CENPK: variants seen among roughly 807,000 people sequenced by gnomAD.
The protein encoded by CENPK is centromere protein K, also known as SoxLZ/Sox6-binding protein Solt.
CENPK carries 46 observed loss-of-function variants against 40.9 expected under a neutral mutation model. The observed-to-expected ratio is 1.13, with a 90% CI of 0.89 to 1.44. The LOEUF is 1.44. CENPK is among the 40% of genes most tolerant of loss of function. The pLI, the probability that CENPK is intolerant of heterozygous loss-of-function variation, is 0.00. For missense variants in CENPK, 288 were observed against 303.5 expected (o/e 0.95, Z 0.38); for synonymous variants, 107 against 104.4 (o/e 1.02, Z -0.15).
At chr5:65,545,322 G>GCACA (rs1413510078) in intron 5 of CENPK, among the ~76,000 whole-genome samples, 1 of 133,126 alleles carries the variant, frequency 7.5e-6, no homozygotes, top group African/African-American at 3.1e-5. Context: ...TCCTCAAAGC[G>GCACA]CGCACACACA....
At chr5:65,559,217 G>A (rs1751494450) in intron 2 of CENPK, among the ~76,000 whole-genome samples, 1 of 152,210 alleles carries the variant, frequency 6.6e-6, no homozygotes, top group South Asian at 2.1e-4. Context: ...CATATTCATG[G>A]ACTGAAAGAC....
chr5:65,510,953 A>C, the CENPK span, among the ~76,000 whole-genome samples: 1 of 152,192 alleles, frequency 6.6e-6, no homozygotes, highest in Non-Finnish European at 1.5e-5. Context: ...AGTCACCAGC[A>C]GCAAGAGGGC....
the CENPK span, among the ~76,000 whole-genome samples, chr5:65,505,825 A>G: frequency 6.6e-6 from 1 of 152,156 alleles, no homozygotes; most frequent in South Asian, 2.1e-4. Context: ...TTTTATCACA[A>G]ACTTCTATGT....
chr5:65,532,896 C>T (rs147793414), intron 6 of CENPK, among the ~76,000 whole-genome samples: 7,775 of 74,526 alleles, frequency 0.1, 273 homozygotes, highest in Middle Eastern at 0.18. Context: ...ACAACAAGAG[C>T]GAAACTCCAT....
At chr5:65,548,535 C>A (rs558225312) in intron 5 of CENPK, among the ~76,000 whole-genome samples, 2 of 152,194 alleles carry the variant, frequency 1.3e-5, no homozygotes, top group South Asian at 4.2e-4. Flanking sequence ...AAACATTTCT[C>A]GGTGGCATGA....
the CENPK span, among the ~76,000 whole-genome samples, chr5:65,503,110 A>ATT: frequency 0.34 from 43,415 of 126,664 alleles, 7,939 homozygotes; most frequent in East Asian, 0.57. Context: ...CCAATGTAAT[A>ATT]TTTTTTTTTT....
At chr5:65,522,124 T>TAA (rs1743879389) in intron 9 of CENPK, among the ~76,000 whole-genome samples, 1 of 152,276 alleles carries the variant, frequency 6.6e-6, no homozygotes, top group East Asian at 1.9e-4. Context: ...ACATTATATA[T>TAA]AATCACATAA....
the CENPK span, among the ~76,000 whole-genome samples, chr5:65,499,712 C>T: frequency 8.3e-6 from 1 of 120,622 alleles, no homozygotes; most frequent in Non-Finnish European, 1.7e-5. Context: ...TACATGTGCA[C>T]ATTGTGCAGG....
At chr5:65,545,519 A>G (rs1748775605) in intron 5 of CENPK, among the ~76,000 whole-genome samples, 2 of 152,214 alleles carry the variant, frequency 1.3e-5, no homozygotes, top group South Asian at 4.1e-4. Flanking sequence ...AATATCCTTC[A>G]GGAATGAAAG....
intron 6 of CENPK, among the ~76,000 whole-genome samples, chr5:65,534,830 A>C (rs1746585246): frequency 6.6e-6 from 1 of 152,228 alleles, no homozygotes; most frequent in Non-Finnish European, 1.5e-5. Context: ...AGTTGGGCAA[A>C]CAGTTCTTAG....
intron 6 of CENPK, chr5:65,541,503 A>AT: frequency 2.2e-6 from 1 of 452,240 alleles, no homozygotes; most frequent in Non-Finnish European, 4.5e-6. Flanking sequence ...GCTACGTTGT[A>AT]TTGAGTGGTG....
the CENPK span, among the ~76,000 whole-genome samples, chr5:65,496,928 G>T: frequency 3.3e-5 from 5 of 151,564 alleles, no homozygotes; most frequent in Non-Finnish European, 4.4e-5. Context: ...GTGGTGGCGG[G>T]TGCCTGTAAT....
rs559701468 is a variant in CENPK, at chr5:65,539,622, C to T, written c.288+3180G>A. The stretch of plus-strand genomic sequence containing the variant: ...TTTGCTGAGCAGGTGTTTGGGGACC[C>T]ACAGCTCTGAGCATCCTTGTTCCCA... On this transcript the variant is annotated intron_variant, in intron 6 of 10. Coordinates refer to ENST00000396679, the MANE Select transcript of CENPK (RefSeq NM_022145.5). 1.1e-4 allele frequency among the ~76,000 whole-genome samples: 17 copies of T among 152,346 alleles called. 1 individual carries two copies. The South Asian group carries it at 3.5e-3, about 32-fold the overall frequency.
At chr5:65,500,877 G>A in the CENPK span, among the ~76,000 whole-genome samples, 1 of 151,846 alleles carries the variant, frequency 6.6e-6, no homozygotes, top group Non-Finnish European at 1.5e-5. Flanking sequence ...ACACCATGTT[G>A]GCCAGGATGT....
chr5:65,513,646 TAC>T (rs1335380108), downstream of CENPK, among the ~76,000 whole-genome samples: 1 of 152,248 alleles, frequency 6.6e-6, no homozygotes, highest in Admixed American at 6.5e-5. Context: ...GTATGAACCA[TAC>T]ATTCTCTGTA....
downstream of CENPK, among the ~76,000 whole-genome samples, chr5:65,514,702 CTT>C (rs138839781): frequency 1.4e-3 from 211 of 152,254 alleles, 4 homozygotes; most frequent in East Asian, 0.019. Flanking sequence ...GAGACCAGTG[CTT>C]TGTTTTGGAA....
the CENPK span, among the ~76,000 whole-genome samples, chr5:65,496,338 G>A: frequency 4.1e-4 from 63 of 152,204 alleles, no homozygotes; most frequent in South Asian, 1.0e-3. Context: ...CATTGATCAC[G>A]GTGCTATTTC....
chr5:65,496,767 A>T, the CENPK span, among the ~76,000 whole-genome samples: 4 of 152,266 alleles, frequency 2.6e-5, no homozygotes, highest in Admixed American at 1.3e-4. Context: ...CTATAAAAAT[A>T]AAAAGGCTGG....
At chr5:65,537,955 CAT>C (rs1458460891) in intron 6 of CENPK, among the ~76,000 whole-genome samples, 2 of 152,142 alleles carry the variant, frequency 1.3e-5, no homozygotes, top group Non-Finnish European at 2.9e-5. Context: ...ACTGCTGCGA[CAT>C]AGAGTTACTC....
Sources: allele counts gnomAD v4.1 joint callset (sites outside exome capture counted in the v4.1 genomes callset), GRCh38; gene constraint gnomAD v4.1.1; transcripts MANE v1.5; gene names NCBI Gene and HGNC (gene_info 2026-07-23, HGNC 2026-07-21).